BTAF1: variants seen among roughly 807,000 people sequenced by gnomAD.
BTAF1 encodes B-TFIID TATA-box binding protein associated factor 1, also known as TATA-binding protein-associated factor 172.
Under a neutral mutation model 227.1 loss-of-function variants are expected in BTAF1, and 38 were observed. The observed-to-expected ratio is 0.17, with a 90% CI of 0.13 to 0.22. The LOEUF is 0.22. Among genes scored for constraint, BTAF1 ranks in the 10% least tolerant of loss-of-function variants. The pLI, the probability that BTAF1 is intolerant of heterozygous loss-of-function variation, is 1.00. For missense variants in BTAF1, 1,598 were observed against 2,204.0 expected (o/e 0.73, Z 5.51); for synonymous variants, 742 against 751.9 (o/e 0.99, Z 0.21).
At chr10:91,980,753 TC>T (rs1403206185) in intron 15 of BTAF1, among the ~76,000 whole-genome samples, 195 bp downstream of exon 15, 1 of 152,180 alleles carries the variant, frequency 6.6e-6, no homozygotes, top group East Asian at 1.9e-4. Context: ...CCATGCTTCT[TC>T]CTCTTATTAT....
chr10:91,962,343 G>C (rs1846584712), intron 11 of BTAF1, among the ~76,000 whole-genome samples, 195 bp from the exon 12 acceptor site: 1 of 152,146 alleles, frequency 6.6e-6, no homozygotes, highest in Non-Finnish European at 1.5e-5. Flanking sequence ...GTTTAGGTTT[G>C]TGTAAGTACA....
chr10:91,990,345 C>A (rs1307894532), intron 20 of BTAF1, among the ~76,000 whole-genome samples: 1 of 152,026 alleles, frequency 6.6e-6, no homozygotes, highest in Non-Finnish European at 1.5e-5. Flanking sequence ...ATTCTCCCCC[C>A]TCTTACCCCC....
At chr10:91,985,320 A>AT (rs1031852537) in intron 19 of BTAF1, among the ~76,000 whole-genome samples, 5 of 151,662 alleles carry the variant, frequency 3.3e-5, no homozygotes, top group East Asian at 1.9e-4. Flanking sequence ...TCAATAACTT[A>AT]TTTTTTTTAT....
chr10:91,945,046 C>G (rs10786026), intron 4 of BTAF1, among the ~76,000 whole-genome samples: 90,167 of 152,040 alleles, frequency 0.59, 30,456 homozygotes, highest in East Asian at 0.77. Flanking sequence ...ATCTAGGTTT[C>G]TGTAAGCACA....
At chr10:91,977,278 G>A (rs1454036778) in intron 14 of BTAF1, among the ~76,000 whole-genome samples, 1 of 152,144 alleles carries the variant, frequency 6.6e-6, no homozygotes, top group Non-Finnish European at 1.5e-5. Context: ...GCAGATCAGA[G>A]GAAGAAACGC....
Position 92,012,498 on chromosome 10 carries a change from C to T in BTAF1, c.4311+1083C>T, listed in dbSNP as rs949019751. 1.3e-4 allele frequency among the ~76,000 whole-genome samples: 19 copies of T among 150,928 alleles called. 1 individual carries two copies. Among genetic ancestry groups the T allele is most frequent in the African/African-American group, 3.7e-4 (15 of 41,018 alleles). On this transcript the variant is annotated intron_variant, in intron 30 of 37. Transcript: ENST00000265990. ...AAGTTTAAAAATGTAAGGCTGGGCACGGTGGCTCATGCCTGTAATCTCGGC... is the reference window on the plus strand; with the variant it reads ...AAGTTTAAAAATGTAAGGCTGGGCATGGTGGCTCATGCCTGTAATCTCGGC...
rs551218292 is a variant in BTAF1, at chr10:91,993,910, T to A, written c.3199+63T>A. The A allele has an allele frequency of 2.6e-5, 33 of 1,272,308 alleles. No individual in the cohort carries two copies. In the South Asian group the frequency reaches 7.0e-4, roughly 27 times the overall value. 78.8% of individuals were successfully genotyped at this position (1,272,308 alleles called of 1,614,324 possible). Reference sequence around the variant, plus strand: ...TTTTAATGTCTATTAATTGAATATATCCTTATAAAATAAAAATGCCTCTAT... The same window carrying A: ...TTTTAATGTCTATTAATTGAATATAACCTTATAAAATAAAAATGCCTCTAT... On this transcript the variant is annotated intron_variant, in intron 22 of 37. Coordinates refer to ENST00000265990, the MANE Select transcript of BTAF1 (RefSeq NM_003972.3).
chr10:91,940,901 G>T (rs1044136759), intron 3 of BTAF1, among the ~76,000 whole-genome samples: 4 of 151,816 alleles, frequency 2.6e-5, no homozygotes, highest in African/African-American at 9.7e-5. Flanking sequence ...CCAGGCTCGG[G>T]GGGGTGGGGT....
At chr10:91,952,888 G>A (rs930695818) in intron 5 of BTAF1, among the ~76,000 whole-genome samples, 2 of 152,106 alleles carry the variant, frequency 1.3e-5, no homozygotes, top group African/African-American at 2.4e-5. Flanking sequence ...AATTGAACAT[G>A]GTGTAAGAAA....
chr10:91,965,465 T>TA (rs931012419), intron 13 of BTAF1, among the ~76,000 whole-genome samples: 10 of 151,246 alleles, frequency 6.6e-5, no homozygotes, highest in South Asian at 4.2e-4. Flanking sequence ...AACTTCTACT[T>TA]AAAAAAAAAT....
At chr10:91,999,299 A>T (rs527609062) in intron 25 of BTAF1, among the ~76,000 whole-genome samples, 1 of 152,250 alleles carries the variant, frequency 6.6e-6, no homozygotes, top group African/African-American at 2.4e-5. Context: ...TCTTTGAAAA[A>T]CAGTTTGGTT....
chr10:91,956,421 G>T (rs945961904), intron 6 of BTAF1, 107 bp from the exon 7 acceptor site: 2 of 1,280,610 alleles, frequency 1.6e-6, no homozygotes, highest in Non-Finnish European at 2.1e-6. Flanking sequence ...TTTAAATGAT[G>T]GATTATCTTA....
intron 4 of BTAF1, among the ~76,000 whole-genome samples, chr10:91,949,343 T>G (rs1845595868): frequency 6.6e-6 from 1 of 152,166 alleles, no homozygotes; most frequent in Non-Finnish European, 1.5e-5. Context: ...AAATAAAACC[T>G]TTTAATTCTA....
At chr10:91,959,727 T>TGG in intron 9 of BTAF1, 58 bp from the exon 10 acceptor site, 1 of 386,534 alleles carries the variant, frequency 2.6e-6, no homozygotes, top group Non-Finnish European at 3.6e-6. Context: ...AATGTGTGTG[T>TGG]GTGTGTGTGT....
rs34831539 is a variant in BTAF1, at chr10:91,999,062, C to CAA, written c.3660+1328_3660+1329dup. On this transcript the variant is annotated intron_variant, in intron 25 of 37. Coordinates refer to ENST00000265990, the MANE Select transcript of BTAF1 (RefSeq NM_003972.3). ...TGGATGACAAAGTGAGACTTCCTTTCAAAAAAAAAAAAAAAAAATTAAGTT... is the reference window on the plus strand; with the variant it reads ...TGGATGACAAAGTGAGACTTCCTTTCAAAAAAAAAAAAAAAAAAAATTAAGTT... Among the ~76,000 whole-genome samples, 363 of 115,326 alleles carry CAA rather than the reference C, an allele frequency of 3.1e-3. 7 individuals are homozygous for CAA. The South Asian group carries it at 0.055, about 17-fold the overall frequency. The allele number at this position is 115,326 out of a possible 152,430, so 75.7% of individuals were successfully genotyped here.
chr10:91,964,444 C>T lies in BTAF1; in HGVS notation c.1529+243C>T, dbSNP rs10882009. On this transcript the variant is annotated intron_variant, in intron 13 of 37. Coordinates refer to ENST00000265990, the MANE Select transcript of BTAF1 (RefSeq NM_003972.3). ...CAGTTATATAATTCATCGTCTTGTT[C>T]GTCTTATAATTGTTTACTTAGAAAT... 0.27 allele frequency among the ~76,000 whole-genome samples: 41,483 copies of T among 151,640 alleles called. 6,923 individuals carry two copies. The highest frequency in any genetic ancestry group is 0.38 in the Non-Finnish European group (25,663 of 67,846).
At chr10:91,924,147 C>T (rs1446535841) in intron 1 of BTAF1, 57 bp downstream of exon 1, 51 of 1,586,950 alleles carry the variant, frequency 3.2e-5, no homozygotes, top group Non-Finnish European at 4.4e-5. Context: ...GCATGGTCTC[C>T]TCTTAGAGCC....
intron 12 of BTAF1, among the ~76,000 whole-genome samples, chr10:91,963,760 G>A (rs1281136123): frequency 2.0e-5 from 3 of 152,138 alleles, no homozygotes; most frequent in Admixed American, 6.5e-5. Flanking sequence ...CTTGTGTCTC[G>A]ATGCTCTGTT....
rs534086371 is a variant in BTAF1 at position 92,020,885 on chromosome 10, C to A, written c.4863+1950C>A. Among the ~76,000 whole-genome samples, 13 of 151,600 alleles carry A rather than the reference C, an allele frequency of 8.6e-5. No homozygotes were observed. In the South Asian group the frequency reaches 2.7e-3, roughly 32 times the overall value. ...AGGTTCTTACAGATTTTTTTTTTCC[C>A]AGCAGTTGCTAATTACATTGATCTC... On this transcript the variant is annotated intron_variant, in intron 34 of 37. Coordinates refer to ENST00000265990, the MANE Select transcript of BTAF1 (RefSeq NM_003972.3).
Sources: allele counts gnomAD v4.1 joint callset (sites outside exome capture counted in the v4.1 genomes callset), GRCh38; gene constraint gnomAD v4.1.1; transcripts MANE v1.5; gene names NCBI Gene and HGNC (gene_info 2026-07-23, HGNC 2026-07-21).